Variants in PC observed in about 807,000 individuals in gnomAD.
PC encodes the protein pyruvate carboxylase, mitochondrial.
PC carries 46 observed loss-of-function variants against 107.8 expected under a neutral mutation model. The observed-to-expected ratio is 0.43, with a 90% confidence interval of 0.34 to 0.55. The LOEUF is 0.55. Among genes scored for constraint, PC ranks in the 20% least tolerant of loss-of-function variants. PC has a pLI of 0.04. For synonymous variants in PC, 662 were observed against 684.7 expected (o/e 0.97, Z 0.52); for missense variants, 1,241 against 1,643.1 (o/e 0.76, Z 4.23).
intron 11 of PC, among the ~76,000 whole-genome samples, chr11:66,865,764 A>T (rs1047723754): frequency 6.6e-6 from 1 of 150,980 alleles, no homozygotes; most frequent in African/African-American, 2.4e-5. Flanking sequence ...CTCCATTGGG[A>T]CCTCTGGGCC....
intron 12 of PC, among the ~76,000 whole-genome samples, chr11:66,862,801 A>G (rs1170230149): frequency 6.6e-6 from 1 of 152,192 alleles, no homozygotes; most frequent in East Asian, 1.9e-4. Flanking sequence ...CAGGGCACCC[A>G]CCAAGGCCAC....
Position 66,857,679 on chromosome 11 carries a change from C to A in PC, c.1369-4296G>T. 1 of 1,509,058 alleles carries A rather than the reference C, an allele frequency of 6.6e-7. No individual in the cohort carries two copies. The highest frequency in any genetic ancestry group is 2.3e-5 in the East Asian group (1 of 42,916). The allele number at this position is 1,509,058 out of a possible 1,614,324, so 93.5% of individuals were successfully genotyped here. A position where few individuals can be genotyped will look rare whatever the true frequency, so the allele number is the denominator to read the frequency against. ...CTGGCTTCTGGGACTGTCCTGGGCC[C>A]AAGTGGGCACCTGCGCCAGCCCCAC... On this transcript the variant is annotated intron_variant, in intron 12 of 22. Transcript: ENST00000393960. This position sits in a 1 kb window ranked among gnomAD's most constrained non-coding sequence, Gnocchi z 7.1.
Position 66,866,097 on chromosome 11 carries a change from G to T in PC, c.1185+90C>A. Reference sequence around the variant, plus strand: ...CATGCGGGTCCTCCCTAACTGCCGGGCTGTGGCAACTTGGCACTGCAGCCC... The same window carrying T: ...CATGCGGGTCCTCCCTAACTGCCGGTCTGTGGCAACTTGGCACTGCAGCCC... On this transcript the variant is annotated intron_variant, in intron 11 of 22. Transcript: ENST00000393960. The surrounding 1 kb of genome is among the most constrained non-coding windows in gnomAD (Gnocchi z 5.4). The T allele has an allele frequency of 6.9e-7, 1 of 1,442,220 alleles. No individual in the cohort carries two copies. The highest frequency in any genetic ancestry group is 1.7e-5 in the Admixed American group (1 of 57,938). The allele number at this position is 1,442,220 out of a possible 1,614,324, so 89.3% of individuals were successfully genotyped here.
intron 3 of PC, among the ~76,000 whole-genome samples, chr11:66,924,369 C>CAAAAAACAAAAAAAAAAAA (rs1948665092): frequency 1.5e-5 from 1 of 65,590 alleles, no homozygotes; most frequent in African/African-American, 6.1e-5. Flanking sequence ...CCATCTCTAC[C>CAAAAAACAAAAAAAAAAAA]AAAAAAAAAA....
intron 3 of PC, among the ~76,000 whole-genome samples, chr11:66,937,357 G>A (rs1949024577): frequency 6.6e-6 from 1 of 152,190 alleles, no homozygotes; most frequent in Non-Finnish European, 1.5e-5. Flanking sequence ...TCTGATCAAA[G>A]ATCCTTTGAA....
intron 12 of PC, 124 bp downstream of exon 12, chr11:66,863,650 C>T (rs1243804992): frequency 3.7e-5 from 39 of 1,047,960 alleles, no homozygotes; most frequent in African/African-American, 7.9e-5. Context: ...CCACTGACCT[C>T]GACCCATCAG....
At position 66,872,004 on chromosome 11, in the gene PC, C is replaced by G. The variant is rs765003994; in HGVS notation, c.136+20G>C. ...TGGGGCGGCCATGAGGCTCCTCTCA[C>G]CGGCCCCACTGGTGCTCACCTCTGT... On this transcript the variant is annotated intron_variant, in intron 4 of 22. Transcript: ENST00000393960. 7 of 1,557,276 alleles carry G rather than the reference C, an allele frequency of 4.5e-6. No homozygotes were observed. The highest frequency in any genetic ancestry group is 1.4e-5 in the African/African-American group (1 of 73,530).
intron 3 of PC, among the ~76,000 whole-genome samples, chr11:66,919,284 C>T (rs1368614620): frequency 6.6e-6 from 1 of 152,088 alleles, no homozygotes; most frequent in Non-Finnish European, 1.5e-5. Flanking sequence ...GGCGTGGTGG[C>T]ACATGCCTGT....
At chr11:66,917,880 C>A (rs995197949) in intron 3 of PC, among the ~76,000 whole-genome samples, 5 of 152,160 alleles carry the variant, frequency 3.3e-5, no homozygotes, top group Non-Finnish European at 7.3e-5. Flanking sequence ...CAGGGAAAGA[C>A]CTCCATGGGC....
chr11:66,851,395 C>G (rs898921961), intron 16 of PC, 115 bp from the exon 17 acceptor site: 1 of 1,474,538 alleles, frequency 6.8e-7, no homozygotes, highest in Non-Finnish European at 9.2e-7. Context: ...CTGAGGGTCT[C>G]GCCTGGCAGG....
chr11:66,871,528 A>C lies in PC; in HGVS notation c.322-48T>G, dbSNP rs534210226. The stretch of plus-strand genomic sequence containing the variant: ...GGACGGTACCTTGCAGTCCCTTCCA[A>C]GGCCTCGGCCAGCCTCTTCCCCTGC... On this transcript the variant is annotated intron_variant, in intron 5 of 22. Transcript: ENST00000393960. This position sits in a 1 kb window ranked among gnomAD's most constrained non-coding sequence, Gnocchi z 7.4. 21 of 1,609,872 alleles carry C rather than the reference A, an allele frequency of 1.3e-5. No individual in the cohort carries two copies. The highest frequency in any genetic ancestry group is 1.0e-4 in the Admixed American group (6 of 60,000).
chr11:66,863,733 A>G, intron 12 of PC, 41 bp downstream of exon 12: 1 of 1,582,540 alleles, frequency 6.3e-7, no homozygotes, highest in Non-Finnish European at 8.6e-7. Flanking sequence ...GGGCCCTCCA[A>G]GGGCCGGGAG....
chr11:66,945,903 G>C (rs1362117018), intron 3 of PC, among the ~76,000 whole-genome samples: 5 of 148,086 alleles, frequency 3.4e-5, no homozygotes, highest in Non-Finnish European at 7.5e-5. Flanking sequence ...TGGCTAACAA[G>C]GTGAAACCCC....
At chr11:66,859,853 G>T (rs142190580) in intron 12 of PC, 82 of 1,564,358 alleles carry the variant, frequency 5.2e-5, no homozygotes, top group Non-Finnish European at 6.9e-5. Flanking sequence ...CCGTGGCCGT[G>T]GGGGGTGTGC....
At chr11:66,913,662 CAAAAA>C (rs11345088) in intron 3 of PC, among the ~76,000 whole-genome samples, 2 of 128,998 alleles carry the variant, frequency 1.6e-5, no homozygotes, top group Non-Finnish European at 1.6e-5. Context: ...AACTCTGTCT[CAAAAA>C]AAAAAAAAAA....
Position 66,870,541 on chromosome 11 carries a change from C to G in PC, c.752-88G>C. On this transcript the variant is annotated intron_variant, in intron 8 of 22. Transcript: ENST00000393960. This position sits in a 1 kb window ranked among gnomAD's most constrained non-coding sequence, Gnocchi z 6.1. ...ATCACCCCCACATAACCACTGTCGC[C>G]AGTCAGTGCCGGCTGCCAGCGGTAC... 6.8e-7 allele frequency: 1 copy of G among 1,462,168 alleles called. No homozygotes were observed. The highest frequency in any genetic ancestry group is 9.4e-7 in the Non-Finnish European group (1 of 1,060,542). 90.6% of individuals were successfully genotyped at this position (1,462,168 alleles called of 1,614,324 possible).
chr11:66,952,956 G>A (rs761586914), intron 2 of PC, among the ~76,000 whole-genome samples: 1 of 152,196 alleles, frequency 6.6e-6, no homozygotes, highest in Non-Finnish European at 1.5e-5. Flanking sequence ...CAGCCGCTCT[G>A]TAATCACTCA....
chr11:66,861,602 T>C (rs1386866260), intron 12 of PC, among the ~76,000 whole-genome samples: 2 of 71,406 alleles, frequency 2.8e-5, no homozygotes, highest in African/African-American at 1.1e-4. Context: ...GAGAAGGGTG[T>C]GGGGAGCGAA....
Position 66,859,153 on chromosome 11 carries a change from C to T in PC, c.1368+4621G>A, listed in dbSNP as rs1318425654. The T allele has an allele frequency of 4.1e-6, 6 of 1,459,106 alleles. No individual in the cohort carries two copies. The South Asian group carries it at 4.6e-5, about 11-fold the overall frequency. The allele number at this position is 1,459,106 out of a possible 1,614,324, so 90.4% of individuals were successfully genotyped here. On this transcript the variant is annotated intron_variant, in intron 12 of 22. Transcript: ENST00000393960. ...CGGCGCCCTTCCTCCGCCCTCTGCT[C>T]CCCACAAGGCTTTGCTTCCACCCCT...
Sources: gnomAD v4.1 joint callset for allele counts (sites outside exome capture counted in the v4.1 genomes callset) on GRCh38, gnomAD v4.1.1 for gene constraint, Gnocchi (gnomAD v3.1) non-coding constraint, MANE v1.5 for transcripts, NCBI Gene and HGNC (gene_info 2026-07-23, HGNC 2026-07-21) for gene names.